Variants in RSPO3 observed in about 807,000 individuals in gnomAD.
RSPO3 encodes R-spondin 3, also known as R-spondin-3.
A neutral mutation model predicts 36.5 loss-of-function variants in RSPO3; 17 were observed. The ratio of observed to expected loss-of-function variants is 0.47; its 90% CI spans 0.32 to 0.70. The LOEUF (loss-of-function observed/expected upper bound fraction) is 0.70, where lower values mean the gene tolerates loss of function less well. RSPO3 is among the 30% of genes least tolerant of loss of function. The pLI is 0.04. For missense variants in RSPO3, 294 were observed against 322.5 expected (o/e 0.91, Z 0.68); for synonymous variants, 108 against 107.0 (o/e 1.01, Z -0.06).
At chr6:127,120,194 G>C (rs971900541) in intron 1 of RSPO3, among the ~76,000 whole-genome samples, 1 of 152,192 alleles carries the variant, frequency 6.6e-6, no homozygotes, top group Non-Finnish European at 1.5e-5. Context: ...GCCTCAACCT[G>C]GGTTGGTCTG....
chr6:127,191,436 T>C (rs946967029), intron 4 of RSPO3, among the ~76,000 whole-genome samples: 1 of 152,150 alleles, frequency 6.6e-6, no homozygotes, highest in African/African-American at 2.4e-5. Context: ...GGGTGGGATC[T>C]AGGAATCTGT....
chr6:127,141,173 G>A (rs971448461), intron 1 of RSPO3, among the ~76,000 whole-genome samples: 2 of 152,142 alleles, frequency 1.3e-5, no homozygotes, highest in Middle Eastern at 3.2e-3. Context: ...AATTTTTGTT[G>A]AAAACCTTAA....
At chr6:127,137,927 G>C (rs1774193346) in intron 1 of RSPO3, among the ~76,000 whole-genome samples, 1 of 152,032 alleles carries the variant, frequency 6.6e-6, no homozygotes, top group African/African-American at 2.4e-5. Flanking sequence ...ACTATCTTTT[G>C]TCTCTCAGTA....
intron 1 of RSPO3, among the ~76,000 whole-genome samples, chr6:127,140,661 T>C (rs1774251316): frequency 6.6e-6 from 1 of 152,208 alleles, no homozygotes; most frequent in Admixed American, 6.5e-5. Flanking sequence ...TTGTTTCCTT[T>C]CCTTCTAATA....
chr6:127,148,894 T>C (rs576592508), intron 2 of RSPO3, 55 bp downstream of exon 2: 35 of 1,329,976 alleles, frequency 2.6e-5, no homozygotes, highest in Admixed American at 1.3e-4. Context: ...CTTTTCCAGA[T>C]TGAAATGGCC....
At chr6:127,144,996 A>C (rs1774354157) in intron 1 of RSPO3, among the ~76,000 whole-genome samples, 1 of 152,200 alleles carries the variant, frequency 6.6e-6, no homozygotes, top group South Asian at 2.1e-4. Flanking sequence ...CAGCCACTCC[A>C]AAGTAAGCTC....
chr6:127,185,197 G>A (rs1197553855), intron 4 of RSPO3, among the ~76,000 whole-genome samples: 6 of 151,872 alleles, frequency 4.0e-5, no homozygotes, highest in Non-Finnish European at 7.4e-5. Flanking sequence ...GTAATTACAA[G>A]GACCTATCTT....
chr6:127,131,892 T>G (rs1774065306), intron 1 of RSPO3, among the ~76,000 whole-genome samples: 1 of 152,184 alleles, frequency 6.6e-6, no homozygotes. Context: ...ACTGGGTCTC[T>G]GAAACCTAAA....
rs192034341 is a variant in RSPO3, at chr6:127,141,495, A to T, written c.98-7153A>T. Among the ~76,000 whole-genome samples the T allele has an allele frequency of 1.6e-4, 24 of 152,216 alleles. No homozygotes were observed. In the East Asian group the frequency reaches 2.1e-3, roughly 13 times the overall value. On this transcript the variant is annotated intron_variant, in intron 1 of 4. Transcript: ENST00000356698. Reference sequence around the variant, plus strand: ...AGTATTTATAGAATATAAATATTAGACTCCCTTCAGGAAATTATTATTCAG... The same window carrying T: ...AGTATTTATAGAATATAAATATTAGTCTCCCTTCAGGAAATTATTATTCAG...
intron 1 of RSPO3, among the ~76,000 whole-genome samples, chr6:127,130,667 A>C (rs1774033162): frequency 6.6e-6 from 1 of 152,098 alleles, no homozygotes; most frequent in Non-Finnish European, 1.5e-5. Context: ...ATTTTGGAAA[A>C]ACTTAGCAAA....
chr6:127,148,135 T>G (rs1774423835), intron 1 of RSPO3, among the ~76,000 whole-genome samples: 1 of 152,048 alleles, frequency 6.6e-6, no homozygotes. Flanking sequence ...GTGTCCTTAC[T>G]CAAGTTAAGC....
intron 4 of RSPO3, 58 bp from the exon 5 acceptor site, chr6:127,195,765 A>G: frequency 8.5e-7 from 1 of 1,175,088 alleles, no homozygotes; most frequent in Non-Finnish European, 1.2e-6. Context: ...TTTAAAATGT[A>G]ATTAAAAAAT....
chr6:127,190,384 C>T (rs537721465), intron 4 of RSPO3, among the ~76,000 whole-genome samples: 29 of 152,162 alleles, frequency 1.9e-4, no homozygotes, highest in South Asian at 1.5e-3. Context: ...GCCAGGACTG[C>T]GCCATTGCAG....
At chr6:127,163,077 C>T (rs1774742119) in intron 4 of RSPO3, among the ~76,000 whole-genome samples, 1 of 152,056 alleles carries the variant, frequency 6.6e-6, no homozygotes, top group Non-Finnish European at 1.5e-5. Context: ...AACTGAGATC[C>T]CTGCCAATTA....
Position 127,148,664 on chromosome 6 carries a change from T to A in RSPO3, c.114T>A (p.Ser38Arg), listed in dbSNP as rs1249278580. The A allele has an allele frequency of 6.2e-7, 1 of 1,612,278 alleles. No homozygotes were observed. Among genetic ancestry groups the A allele is most frequent in the Non-Finnish European group, 8.5e-7 (1 of 1,178,950 alleles). ...RRQRRMHPNV[S>R]QGCQGGCATC... ...TCTCCACAGTGCATCCTAACGTTAG[T>A]CAAGGCTGCCAAGGAGGCTGTGCAA... Residue 38 changes from serine to arginine, a missense_variant, in exon 2 of 5, where the codon AGT (serine) becomes AGA (arginine). Around this residue, in one of 3 missense-constraint regions of RSPO3, gnomAD observed 61 missense variants for 51.3 expected, o/e 1.19. Coordinates refer to ENST00000356698, the MANE Select transcript of RSPO3 (RefSeq NM_032784.5).
Position 127,142,593 on chromosome 6 carries a change from A to G in RSPO3, c.98-6055A>G, listed in dbSNP as rs551216718. ...TTTCTCTAAGGGAATGAATTACTGA[A>G]GTAAATGACACATAAGAAAACCATT... On this transcript the variant is annotated intron_variant, in intron 1 of 4. Coordinates refer to ENST00000356698, the MANE Select transcript of RSPO3 (RefSeq NM_032784.5). Among the ~76,000 whole-genome samples the G allele has an allele frequency of 1.6e-4, 25 of 152,344 alleles. No individual in the cohort carries two copies. The South Asian group carries it at 4.1e-3, about 25-fold the overall frequency.
chr6:127,128,684 C>G (rs1773991356), intron 1 of RSPO3, among the ~76,000 whole-genome samples: 1 of 152,078 alleles, frequency 6.6e-6, no homozygotes, highest in African/African-American at 2.4e-5. Flanking sequence ...GATCAATACT[C>G]TATTGATCTG....
Position 127,119,087 on chromosome 6 carries a change from G to T in RSPO3, c.-106G>T. On this transcript the variant is annotated 5_prime_UTR_variant, in exon 1 of 5. Coordinates refer to ENST00000356698, the MANE Select transcript of RSPO3 (RefSeq NM_032784.5). The stretch of plus-strand genomic sequence containing the variant: ...GTGAGAGGAGAAGTCCCGCTGCTCG[G>T]GCACTGTCTATATACGCCTAACACC... The T allele has an allele frequency of 1.2e-6, 1 of 811,688 alleles. No homozygotes were observed. Among genetic ancestry groups the T allele is most frequent in the South Asian group, 2.0e-5 (1 of 51,040 alleles). 50.3% of individuals were successfully genotyped at this position (811,688 alleles called of 1,614,324 possible).
intron 4 of RSPO3, among the ~76,000 whole-genome samples, chr6:127,156,188 T>A (rs1774595325): frequency 6.6e-6 from 1 of 152,214 alleles, no homozygotes; most frequent in Non-Finnish European, 1.5e-5. Flanking sequence ...TTTTCATATT[T>A]CTTTTCATAT....
Sources: allele counts gnomAD v4.1 joint callset (sites outside exome capture counted in the v4.1 genomes callset), GRCh38; gene constraint gnomAD v4.1.1; regional missense constraint gnomAD v4.1.1; transcripts MANE v1.5; gene names NCBI Gene and HGNC (gene_info 2026-07-23, HGNC 2026-07-21).